Variants in AP3S2 observed in about 807,000 individuals in gnomAD.
The protein encoded by AP3S2 is AP-3 complex subunit sigma-2.
Under a neutral mutation model 23.4 loss-of-function variants are expected in AP3S2, and 22 were observed. The observed-to-expected ratio is 0.94, with a 90% CI of 0.67 to 1.34. The LOEUF (loss-of-function observed/expected upper bound fraction) is 1.34. Among genes scored for constraint, AP3S2 ranks in the 40% most tolerant of loss-of-function variants. AP3S2 has a pLI of 0.00. For missense variants in AP3S2, 241 were observed against 236.9 expected (o/e 1.02, Z -0.11); for synonymous variants, 86 against 87.1 (o/e 0.99, Z 0.07).
chr15:89,868,693 G>T (rs1307990503), intron 4 of AP3S2, among the ~76,000 whole-genome samples: 5 of 116,134 alleles, frequency 4.3e-5, no homozygotes, highest in African/African-American at 1.4e-4. Context: ...GGAGGGAGGT[G>T]GGGGGGTCAG....
chr15:89,834,021 C>G lies in AP3S2; in HGVS notation c.*1494G>C, dbSNP rs1350341435. On this transcript the variant is annotated 3_prime_UTR_variant, in exon 6 of 6. Transcript: ENST00000336418. ...TCAACACCACACCTGAGATCTAGCC[C>G]ATGCGACAGTATGGAAGCAGGAGGC... 1 of 152,296 alleles carries G rather than the reference C, an allele frequency of 6.6e-6. No homozygotes were observed. The highest frequency in any genetic ancestry group is 1.5e-5 in the Non-Finnish European group (1 of 68,068). 9.4% of individuals were successfully genotyped at this position (152,296 alleles called of 1,614,324 possible). A position where few individuals can be genotyped will look rare whatever the true frequency, so the allele number is the denominator to read the frequency against.
intron 3 of AP3S2, among the ~76,000 whole-genome samples, chr15:89,883,012 C>G (rs1896608544): frequency 6.6e-6 from 1 of 152,142 alleles, no homozygotes. Flanking sequence ...GTTTGTAGCT[C>G]CATTTGTTCC....
chr15:89,843,625 ACTCTAT>A (rs1374074205), intron 4 of AP3S2, among the ~76,000 whole-genome samples: 1 of 151,798 alleles, frequency 6.6e-6, no homozygotes, highest in African/African-American at 2.4e-5. Context: ...ATGGAGCGAG[ACTCTAT>A]CTCAGAAAAA....
At position 89,866,591 on chromosome 15, in the gene AP3S2, T is replaced by C. The variant is rs922910081; in HGVS notation, c.345+4884A>G. ...ACCTCTGCCTCCTGGGTTCAAGTGA[T>C]TCTCCTGTCTCAGCCTCCTGAGTAG... On this transcript the variant is annotated intron_variant, in intron 4 of 5. Coordinates refer to ENST00000336418, the MANE Select transcript of AP3S2 (RefSeq NM_005829.5). 4.0e-5 allele frequency among the ~76,000 whole-genome samples: 6 copies of C among 151,752 alleles called. No homozygotes were observed. The South Asian group carries it at 6.3e-4, about 16-fold the overall frequency.
chr15:89,891,316 G>C (rs1896814890), intron 1 of AP3S2, among the ~76,000 whole-genome samples: 2 of 152,238 alleles, frequency 1.3e-5, no homozygotes, highest in African/African-American at 4.8e-5. Context: ...TGGGCAATAA[G>C]CACATGAAAA....
chr15:89,870,361 C>T (rs1369315391), intron 4 of AP3S2, among the ~76,000 whole-genome samples: 1 of 152,038 alleles, frequency 6.6e-6, no homozygotes, highest in African/African-American at 2.4e-5. Context: ...CTGGAAGCCC[C>T]GTGAGGTTGT....
chr15:89,861,570 C>G (rs1190796973), intron 4 of AP3S2, among the ~76,000 whole-genome samples: 1 of 152,136 alleles, frequency 6.6e-6, no homozygotes, highest in Non-Finnish European at 1.5e-5. Context: ...ACCCTAGGCT[C>G]TAAATGGCAC....
intron 4 of AP3S2, among the ~76,000 whole-genome samples, chr15:89,851,199 A>C (rs1895644220): frequency 1.3e-5 from 2 of 152,178 alleles, no homozygotes; most frequent in African/African-American, 4.8e-5. Flanking sequence ...AAATACCATG[A>C]CCCAAGTACA....
chr15:89,877,857 T>A (rs544093276), intron 3 of AP3S2, among the ~76,000 whole-genome samples: 2 of 152,316 alleles, frequency 1.3e-5, no homozygotes, highest in African/African-American at 4.8e-5. Flanking sequence ...CCCATTTGCA[T>A]TGGCTTTAAT....
chr15:89,858,525 GAAAGAAAGAAAGAA>G lies in AP3S2; in HGVS notation c.345+12936_345+12949del, dbSNP rs146540320. ...AGAGAGAGAGAGAGAGAGAGAGAGA[GAAAGAAAGAAAGAA>G]AGAAAGAAAGAAAGAAAGAAAGAGA... On this transcript the variant is annotated intron_variant, in intron 4 of 5. Coordinates refer to ENST00000336418, the MANE Select transcript of AP3S2 (RefSeq NM_005829.5). 3.5e-3 allele frequency among the ~76,000 whole-genome samples: 167 copies of G among 47,660 alleles called. 3 individuals are homozygous for G. Among genetic ancestry groups the G allele is most frequent in the African/African-American group, 0.011 (158 of 14,128 alleles). The allele number at this position is 47,660 out of a possible 152,430, so 31.3% of individuals were successfully genotyped here.
rs1555446560 is a variant in AP3S2, at chr15:89,858,529, GAA to G, written c.345+12944_345+12945del. Among the ~76,000 whole-genome samples, 123 of 50,520 alleles carry G rather than the reference GAA, an allele frequency of 2.4e-3. 1 individual carries two copies. The highest frequency in any genetic ancestry group is 6.1e-3 in the South Asian group (12 of 1,978). 33.1% of individuals were successfully genotyped at this position (50,520 alleles called of 152,430 possible). A position where few individuals can be genotyped will look rare whatever the true frequency, so the allele number is the denominator to read the frequency against. ...AGAGAGAGAGAGAGAGAGAGAGAAA[GAA>G]AGAAAGAAAGAAAGAAAGAAAGAAA... On this transcript the variant is annotated intron_variant, in intron 4 of 5. Coordinates refer to ENST00000336418, the MANE Select transcript of AP3S2 (RefSeq NM_005829.5).
In AP3S2 at chr15:89,832,890, T is replaced by A. The variant is rs1895110384; in HGVS notation, c.*2625A>T. On this transcript the variant is annotated 3_prime_UTR_variant, in exon 6 of 6. Coordinates refer to ENST00000336418, the MANE Select transcript of AP3S2 (RefSeq NM_005829.5). Reference sequence around the variant, plus strand: ...ACCTCAAGTAGTTAATGAAAAATTATTGTGGCTTGTCCAAAGGGATTGAGT... The same window carrying A: ...ACCTCAAGTAGTTAATGAAAAATTAATGTGGCTTGTCCAAAGGGATTGAGT... 6.6e-6 allele frequency: 1 copy of A among 152,222 alleles called. No homozygotes were observed. Among genetic ancestry groups the A allele is most frequent in the Non-Finnish European group, 1.5e-5 (1 of 68,036 alleles). 9.4% of individuals were successfully genotyped at this position (152,222 alleles called of 1,614,324 possible).
intron 4 of AP3S2, among the ~76,000 whole-genome samples, chr15:89,855,490 C>A: frequency 7.6e-6 from 1 of 131,802 alleles, no homozygotes; most frequent in Non-Finnish European, 1.6e-5. Flanking sequence ...CCTGCCAAAT[C>A]CCCCTCTGTG....
intron 4 of AP3S2, among the ~76,000 whole-genome samples, chr15:89,864,374 A>G (rs1242427877): frequency 6.6e-6 from 1 of 152,196 alleles, no homozygotes; most frequent in African/African-American, 2.4e-5. Context: ...AAATTTTAAC[A>G]TCCTTTTATG....
In AP3S2 at chr15:89,832,405, C is replaced by A. The variant is rs1051091946; in HGVS notation, c.*3110G>T. On this transcript the variant is annotated 3_prime_UTR_variant, in exon 6 of 6. Transcript: ENST00000336418. ...GCTGCAGTGAGCCATGATCACACCA[C>A]TGCACTCCAGCCTGAGCCACAGTGT... 6.6e-6 allele frequency: 1 copy of A among 151,942 alleles called. No individual in the cohort carries two copies. The highest frequency in any genetic ancestry group is 1.5e-5 in the Non-Finnish European group (1 of 68,064). The allele number at this position is 151,942 out of a possible 1,614,324, so 9.4% of individuals were successfully genotyped here. A position where few individuals can be genotyped will look rare whatever the true frequency, so the allele number is the denominator to read the frequency against.
intron 4 of AP3S2, among the ~76,000 whole-genome samples, chr15:89,854,427 G>C (rs1331775721): frequency 2.1e-5 from 1 of 48,382 alleles, no homozygotes; most frequent in Non-Finnish European, 4.4e-5. Flanking sequence ...CAGCCGCCCC[G>C]TCCGGGAGGT....
chr15:89,893,765 C>T (rs1896873063), intron 1 of AP3S2, 116 bp downstream of exon 1: 7 of 998,524 alleles, frequency 7.0e-6, no homozygotes, highest in Admixed American at 2.5e-5. Flanking sequence ...GGGTCATGCT[C>T]GGTGCAGGAG....
At chr15:89,868,099 C>T (rs1331711659) in intron 4 of AP3S2, among the ~76,000 whole-genome samples, 204 of 93,986 alleles carry the variant, frequency 2.2e-3, no homozygotes, top group African/African-American at 5.3e-3. Flanking sequence ...CCAGCCACCC[C>T]GTCCGGGAGG....
intron 4 of AP3S2, among the ~76,000 whole-genome samples, chr15:89,868,961 C>T (rs1359438129): frequency 2.2e-5 from 3 of 135,796 alleles, no homozygotes; most frequent in African/African-American, 2.8e-5. Flanking sequence ...GGGTCAGCCC[C>T]CTGCCCGGCC....
Sources: allele counts gnomAD v4.1 joint callset (sites outside exome capture counted in the v4.1 genomes callset), GRCh38; gene constraint gnomAD v4.1.1; transcripts MANE v1.5; gene names NCBI Gene and HGNC (gene_info 2026-07-23, HGNC 2026-07-21).